The following PPARGC1A variants were observed in gnomAD, a reference collection of about 807,000 sequenced individuals.
The protein encoded by PPARGC1A is peroxisome proliferator-activated receptor gamma coactivator 1-alpha.
In PPARGC1A, 25 loss-of-function variants were observed where a neutral mutation model predicts 88.7. That is an observed-to-expected ratio of 0.28 (90% CI 0.21 to 0.39). The LOEUF (loss-of-function observed/expected upper bound fraction) is 0.39, where lower values mean the gene tolerates loss of function less well. Among genes scored for constraint, PPARGC1A ranks in the 10% least tolerant of loss-of-function variants. The probability of loss-of-function intolerance (pLI) is 1.00; values close to 1 mark genes in which losing one functional copy is unlikely to be tolerated. For synonymous variants in PPARGC1A, 363 were observed against 355.6 expected, an observed-to-expected ratio of 1.02 and a Z score of -0.24; for missense variants, 880 against 968.7, an observed-to-expected ratio of 0.91 and a Z score of 1.22.
the PPARGC1A span, among the ~76,000 whole-genome samples, chr4:23,994,959 G>A: frequency 6.6e-6 from 1 of 152,286 alleles, no homozygotes; most frequent in African/African-American, 2.4e-5. Context: ...GGATTGCTGA[G>A]CAAAAGGAAC....
At chr4:24,033,119 A>G in the PPARGC1A span, among the ~76,000 whole-genome samples, 4 of 152,170 alleles carry the variant, frequency 2.6e-5, no homozygotes, top group South Asian at 6.2e-4. Flanking sequence ...ACTACTGGTT[A>G]AAACATAGGC....
chr4:24,091,938 C>G, the PPARGC1A span, among the ~76,000 whole-genome samples: 57 of 151,686 alleles, frequency 3.8e-4, 1 homozygote, highest in Non-Finnish European at 6.0e-4. Flanking sequence ...TACACACACA[C>G]ACACACACAC....
At chr4:23,809,461 G>A (rs953477620) in intron 10 of PPARGC1A, among the ~76,000 whole-genome samples, 1 of 151,976 alleles carries the variant, frequency 6.6e-6, no homozygotes. Context: ...CCAATTAAAC[G>A]ACTAGTAGTT....
the PPARGC1A span, among the ~76,000 whole-genome samples, chr4:24,203,243 A>C: frequency 6.6e-6 from 1 of 152,208 alleles, no homozygotes. Context: ...CAGTTGTTTC[A>C]TTAAGAATGA....
chr4:24,418,132 G>C, the PPARGC1A span, among the ~76,000 whole-genome samples: 1 of 152,124 alleles, frequency 6.6e-6, no homozygotes, highest in Non-Finnish European at 1.5e-5. Flanking sequence ...GAGAAAACCT[G>C]AACTCAACAA....
At chr4:24,461,099 A>G in the PPARGC1A span, among the ~76,000 whole-genome samples, 1 of 152,112 alleles carries the variant, frequency 6.6e-6, no homozygotes, top group East Asian at 1.9e-4. Flanking sequence ...AAATGTTTTT[A>G]TTTGTTGTAG....
chr4:23,998,379 A>T, the PPARGC1A span, among the ~76,000 whole-genome samples: 2 of 152,182 alleles, frequency 1.3e-5, no homozygotes, highest in African/African-American at 2.4e-5. Flanking sequence ...TCAATAAGGG[A>T]AAATTTAATT....
chr4:24,353,974 A>G, the PPARGC1A span, among the ~76,000 whole-genome samples: 3 of 152,202 alleles, frequency 2.0e-5, no homozygotes, highest in Non-Finnish European at 2.9e-5. Context: ...CCTTACACCA[A>G]TACAAATTTA....
At chr4:24,353,368 C>T in the PPARGC1A span, among the ~76,000 whole-genome samples, 2 of 145,746 alleles carry the variant, frequency 1.4e-5, no homozygotes, top group African/African-American at 2.6e-5. Flanking sequence ...CTGGGTCCCC[C>T]GCCCTCCCTC....
chr4:24,150,681 G>T, the PPARGC1A span, among the ~76,000 whole-genome samples: 4 of 152,084 alleles, frequency 2.6e-5, no homozygotes, highest in Non-Finnish European at 4.4e-5. Context: ...TCAGTGCCGT[G>T]GGCATTAGGA....
At chr4:23,937,317 T>G in the PPARGC1A span, among the ~76,000 whole-genome samples, 1 of 152,092 alleles carries the variant, frequency 6.6e-6, no homozygotes, top group African/African-American at 2.4e-5. Flanking sequence ...AATATCCCCA[T>G]GCAATGTGCA....
chr4:23,925,092 A>C, the PPARGC1A span, among the ~76,000 whole-genome samples: 1 of 152,240 alleles, frequency 6.6e-6, no homozygotes, highest in Non-Finnish European at 1.5e-5. Context: ...AAACTTAGAG[A>C]ACAAAATATG....
chr4:24,387,817 A>G, the PPARGC1A span, among the ~76,000 whole-genome samples: 9 of 106,618 alleles, frequency 8.4e-5, no homozygotes, highest in South Asian at 3.4e-4. Flanking sequence ...AGAAAGAAAG[A>G]AAGAAAGAGA....
At chr4:23,928,822 A>G in the PPARGC1A span, among the ~76,000 whole-genome samples, 1 of 151,656 alleles carries the variant, frequency 6.6e-6, no homozygotes, top group Admixed American at 6.6e-5. Flanking sequence ...TGTAGGGGAC[A>G]TGGATGGAGC....
the PPARGC1A span, among the ~76,000 whole-genome samples, chr4:23,945,764 T>C: frequency 6.6e-6 from 1 of 152,154 alleles, no homozygotes; most frequent in Non-Finnish European, 1.5e-5. Flanking sequence ...GTTTGTTTTT[T>C]GAAACCTCCT....
the PPARGC1A span, among the ~76,000 whole-genome samples, chr4:23,966,483 C>T: frequency 6.3e-4 from 96 of 152,170 alleles, no homozygotes; most frequent in Non-Finnish European, 7.3e-5. Context: ...AGAGATTATG[C>T]AATATGTGTT....
chr4:24,322,487 A>AT, the PPARGC1A span, among the ~76,000 whole-genome samples: 2 of 152,234 alleles, frequency 1.3e-5, no homozygotes, highest in African/African-American at 2.4e-5. Flanking sequence ...ATAACTTCAC[A>AT]TTTTTCAGAG....
At chr4:23,872,057 G>T (rs973362000) in intron 2 of PPARGC1A, among the ~76,000 whole-genome samples, 1 of 152,100 alleles carries the variant, frequency 6.6e-6, no homozygotes, top group East Asian at 1.9e-4. Flanking sequence ...ACTTAGAGAT[G>T]ATGGATCCAA....
At chr4:24,014,601 G>A in the PPARGC1A span, among the ~76,000 whole-genome samples, 1 of 152,072 alleles carries the variant, frequency 6.6e-6, no homozygotes, top group Non-Finnish European at 1.5e-5. Context: ...CTCAATCAAA[G>A]TGTTAGCAAT....
Sources: allele counts gnomAD v4.1 joint callset (sites outside exome capture counted in the v4.1 genomes callset), GRCh38; gene constraint gnomAD v4.1.1; transcripts MANE v1.5; gene names NCBI Gene and HGNC (gene_info 2026-07-23, HGNC 2026-07-21).